The following SNAP47 variants were observed in gnomAD, a reference collection of about 807,000 sequenced individuals.
SNAP47 encodes synaptosomal-associated protein 47.
Under a neutral mutation model 31.4 loss-of-function variants are expected in SNAP47, and 20 were observed. That is an observed-to-expected ratio of 0.64 (90% confidence interval 0.45 to 0.93). The LOEUF (loss-of-function observed/expected upper bound fraction) is 0.93. SNAP47 is among the 40% of genes least tolerant of loss of function. SNAP47 has a pLI of 0.00. For missense variants in SNAP47, 492 were observed against 528.5 expected, an observed-to-expected ratio of 0.93 and a Z score of 0.68; for synonymous variants, 194 against 213.4, an observed-to-expected ratio of 0.91 and a Z score of 0.79.
Position 227,747,780 on chromosome 1 carries a change from A to G in SNAP47, c.44A>G (p.Tyr15Cys). The stretch of plus-strand genomic sequence containing the variant: ...ATCCACACCTGGCCGTGCACCTACT[A>G]CCTGGAGCCCAAGAGGCGATGGGTT... ...VCIHTWPCTYYLEPKRRWVTG... is the reference protein window; with the variant it reads ...VCIHTWPCTYCLEPKRRWVTG... Residue 15 changes from tyrosine to cysteine, a missense_variant, in exon 2 of 5, where the codon TAC becomes TGC. By Grantham distance (194) the Tyr-to-Cys change is radical (BLOSUM62 -2). Transcript: ENST00000617596. 1 of 1,614,068 alleles carries G rather than the reference A, an allele frequency of 6.2e-7. No homozygotes were observed. Among genetic ancestry groups the G allele is most frequent in the Admixed American group, 1.7e-5 (1 of 60,016 alleles).
chr1:227,756,659 A>G (rs982828955), intron 2 of SNAP47, among the ~76,000 whole-genome samples: 10 of 152,212 alleles, frequency 6.6e-5, no homozygotes, highest in Non-Finnish European at 1.2e-4. Flanking sequence ...TGCCTGTCTG[A>G]AATGGGGTAG....
At chr1:227,732,774 C>T, upstream of SNAP47, 2 of 1,590,432 alleles carry the variant, frequency 1.3e-6, no homozygotes, top group Non-Finnish European at 1.7e-6. Flanking sequence ...GAAGAAGGGA[C>T]CATTAAGACA....
Position 227,773,360 on chromosome 1 carries a change from C to T in SNAP47, c.1113+6277C>T, listed in dbSNP as rs369304451. ...AATATAAAGAAAAATTATTCTGGCACGGCTATATAGTGTTTGTGTTTGAAA... is the reference window on the plus strand; with the variant it reads ...AATATAAAGAAAAATTATTCTGGCATGGCTATATAGTGTTTGTGTTTGAAA... On this transcript the variant is annotated intron_variant, in intron 4 of 4. Transcript: ENST00000617596. Among the ~76,000 whole-genome samples the T allele has an allele frequency of 9.2e-5, 14 of 152,140 alleles. No homozygotes were observed. In the East Asian group the frequency reaches 2.1e-3, roughly 23 times the overall value.
intron 3 of SNAP47, among the ~76,000 whole-genome samples, chr1:227,765,984 T>C (rs1261331550): frequency 6.6e-6 from 1 of 152,112 alleles, no homozygotes; most frequent in Non-Finnish European, 1.5e-5. Context: ...TAGGGAGTGA[T>C]AGGCTAGAGG....
intron 4 of SNAP47, among the ~76,000 whole-genome samples, chr1:227,777,617 A>G (rs143581893): frequency 1.3e-5 from 2 of 152,362 alleles, no homozygotes; most frequent in Non-Finnish European, 2.9e-5. Context: ...TGTATGTCAA[A>G]TGGTACTCTA....
At chr1:227,750,243 T>A (rs995278762) in intron 2 of SNAP47, among the ~76,000 whole-genome samples, 1 of 152,218 alleles carries the variant, frequency 6.6e-6, no homozygotes, top group Non-Finnish European at 1.5e-5. Context: ...CTAGTCAGAG[T>A]CTGCAGGGGG....
intron 4 of SNAP47, among the ~76,000 whole-genome samples, chr1:227,773,432 A>G (rs988152504): frequency 1.3e-5 from 2 of 152,254 alleles, no homozygotes; most frequent in Admixed American, 1.3e-4. Flanking sequence ...AGTTTGTAAT[A>G]TACAAAAGTT....
intron 2 of SNAP47, among the ~76,000 whole-genome samples, chr1:227,748,724 C>T (rs1225347322): frequency 1.3e-5 from 2 of 152,094 alleles, no homozygotes; most frequent in Non-Finnish European, 2.9e-5. Flanking sequence ...GGGATGGGCC[C>T]TGGCCTCTGA....
chr1:227,752,012 G>A (rs575298886), intron 2 of SNAP47, among the ~76,000 whole-genome samples: 7 of 152,162 alleles, frequency 4.6e-5, no homozygotes, highest in South Asian at 2.1e-4. Flanking sequence ...TGATCCACCC[G>A]CCTCAGCCTC....
At chr1:227,753,809 C>T (rs1314969746) in intron 2 of SNAP47, among the ~76,000 whole-genome samples, 1 of 151,986 alleles carries the variant, frequency 6.6e-6, no homozygotes, top group Non-Finnish European at 1.5e-5. Flanking sequence ...GCCCTGCTGC[C>T]CAAACCTCCT....
chr1:227,743,188 T>G (rs919421632), intron 1 of SNAP47, among the ~76,000 whole-genome samples: 1 of 152,112 alleles, frequency 6.6e-6, no homozygotes. Flanking sequence ...CCCTCTGGCC[T>G]CCTCCTGGTG....
intron 4 of SNAP47, among the ~76,000 whole-genome samples, chr1:227,769,532 G>C (rs1384489786): frequency 6.6e-6 from 1 of 152,128 alleles, no homozygotes; most frequent in Non-Finnish European, 1.5e-5. Flanking sequence ...CCTTCATCCA[G>C]CTGTGGTTTT....
intron 2 of SNAP47, among the ~76,000 whole-genome samples, chr1:227,749,292 G>C (rs1662187292): frequency 6.6e-6 from 1 of 152,096 alleles, no homozygotes; most frequent in South Asian, 2.1e-4. Context: ...TCGTCCTGGG[G>C]TCCTGTCTGG....
chr1:227,735,626 G>T (rs1280747787), intron 1 of SNAP47, 127 bp downstream of exon 1: 2 of 1,325,832 alleles, frequency 1.5e-6, no homozygotes, highest in Non-Finnish European at 1.9e-6. Flanking sequence ...GGGGGGTGGG[G>T]GGTATGCGGG....
intron 1 of SNAP47, among the ~76,000 whole-genome samples, chr1:227,744,972 C>T (rs1200986973): frequency 2.0e-5 from 3 of 152,176 alleles, no homozygotes; most frequent in Non-Finnish European, 4.4e-5. Context: ...GAGCTGGTTG[C>T]CCTGACTCTG....
In SNAP47 at chr1:227,747,773, A is replaced by C. The variant is rs1265675688; in HGVS notation, c.37A>C (p.Thr13Pro). ...RDVCIHTWPC[T>P]YYLEPKRRWV... ...TGTCTGCATCCACACCTGGCCGTGC[A>C]CCTACTACCTGGAGCCCAAGAGGCG... Residue 13 changes from threonine (T) to proline (P), a missense_variant, in exon 2 of 5, where the codon ACC becomes CCC. Coordinates refer to ENST00000617596, the MANE Select transcript of SNAP47 (RefSeq NM_053052.4). The C allele has an allele frequency of 6.2e-7, 1 of 1,614,080 alleles. No individual in the cohort carries two copies. Among genetic ancestry groups the C allele is most frequent in the Non-Finnish European group, 8.5e-7 (1 of 1,179,998 alleles).
rs1021131330 is a variant in SNAP47 at position 227,763,578 on chromosome 1, G to A, written c.989-3381G>A. 6.6e-6 allele frequency among the ~76,000 whole-genome samples: 1 copy of A among 152,200 alleles called. No individual in the cohort carries two copies. Among genetic ancestry groups the A allele is most frequent in the Non-Finnish European group, 1.5e-5 (1 of 68,036 alleles). On this transcript the variant is annotated intron_variant, in intron 3 of 4. Coordinates refer to ENST00000617596, the MANE Select transcript of SNAP47 (RefSeq NM_053052.4). The surrounding 1 kb of genome is among the most constrained non-coding windows in gnomAD (Gnocchi z 4.2). ...GCACCCAGGAGCCTGCTGTGGCACC[G>A]CGGGCTCGGGTTGGGCTGACTGGGG...
Position 227,763,252 on chromosome 1 carries a change from T to C in SNAP47, c.989-3707T>C, listed in dbSNP as rs1663176738. Among the ~76,000 whole-genome samples the C allele has an allele frequency of 6.6e-6, 1 of 152,186 alleles. No individual in the cohort carries two copies. The highest frequency in any genetic ancestry group is 2.1e-4 in the South Asian group (1 of 4,826). On this transcript the variant is annotated intron_variant, in intron 3 of 4. Transcript: ENST00000617596. The surrounding 1 kb of genome is among the most constrained non-coding windows in gnomAD (Gnocchi z 4.2). ...TTTCAGGCGTGAGCCTCTACCCTGCTGTGCACAGCGTATTTGAAGGCTGTT... is the reference window on the plus strand; with the variant it reads ...TTTCAGGCGTGAGCCTCTACCCTGCCGTGCACAGCGTATTTGAAGGCTGTT...
intron 1 of SNAP47, among the ~76,000 whole-genome samples, chr1:227,740,894 G>C (rs1173101162): frequency 6.6e-6 from 1 of 151,780 alleles, no homozygotes; most frequent in Non-Finnish European, 1.5e-5. Context: ...GGAGCTGAAA[G>C]CTGAAGGAGG....
Sources: gnomAD v4.1 joint callset for allele counts (sites outside exome capture counted in the v4.1 genomes callset) on GRCh38, gnomAD v4.1.1 for gene constraint, Gnocchi (gnomAD v3.1) non-coding constraint, MANE v1.5 for transcripts, NCBI Gene and HGNC (gene_info 2026-07-23, HGNC 2026-07-21) for gene names.